ATP8B4: variants seen among roughly 807,000 people sequenced by gnomAD.
The protein encoded by ATP8B4 is ATPase phospholipid transporting 8B4 (putative).
Under a neutral mutation model 145.6 loss-of-function variants are expected in ATP8B4, and 133 were observed. The observed-to-expected ratio is 0.91, with a 90% CI of 0.79 to 1.05. The LOEUF (loss-of-function observed/expected upper bound fraction) is 1.05, where lower values mean the gene tolerates loss of function less well. Among genes scored for constraint, ATP8B4 ranks in the 50% least tolerant of loss-of-function variants. The pLI, the probability that ATP8B4 is intolerant of heterozygous loss-of-function variation, is 0.00. For synonymous variants in ATP8B4, 507 were observed against 492.9 expected (o/e 1.03, Z -0.38); for missense variants, 1,458 against 1,425.2 (o/e 1.02, Z -0.37).
At chr15:50,015,941 A>T (rs1463186906) in intron 6 of ATP8B4, among the ~76,000 whole-genome samples, 1 of 152,200 alleles carries the variant, frequency 6.6e-6, no homozygotes, top group Non-Finnish European at 1.5e-5. Context: ...CAATTTTGCC[A>T]GGGAGGAGGG....
intron 10 of ATP8B4, 67 bp downstream of exon 10, chr15:49,987,324 A>T (rs1415343151): frequency 3.2e-6 from 5 of 1,539,392 alleles, no homozygotes; most frequent in Non-Finnish European, 4.4e-6. Context: ...ACAGAGAATC[A>T]TAGACTGTGC....
intron 3 of ATP8B4, among the ~76,000 whole-genome samples, chr15:50,053,302 G>C (rs1193757598): frequency 6.6e-6 from 1 of 152,172 alleles, no homozygotes; most frequent in Non-Finnish European, 1.5e-5. Context: ...GTGATTGTAA[G>C]AGCCAGGATT....
intron 23 of ATP8B4, 140 bp from the exon 24 acceptor site, chr15:49,879,599 C>G: frequency 2.9e-6 from 2 of 689,418 alleles, no homozygotes; most frequent in Non-Finnish European, 2.4e-6. Context: ...CTTTCCTAGA[C>G]CTGCCTCTTA....
At chr15:50,145,147 C>G (rs1007455556) in intron 1 of ATP8B4, among the ~76,000 whole-genome samples, 2 of 152,118 alleles carry the variant, frequency 1.3e-5, no homozygotes, top group Non-Finnish European at 2.9e-5. Context: ...TTGGCTTTGA[C>G]TACTTTTTAC....
At chr15:50,052,063 T>A (rs1449818754) in intron 3 of ATP8B4, among the ~76,000 whole-genome samples, 1 of 152,176 alleles carries the variant, frequency 6.6e-6, no homozygotes, top group East Asian at 1.9e-4. Context: ...TTTTCTTTGT[T>A]TTTCAACCAA....
intron 23 of ATP8B4, among the ~76,000 whole-genome samples, chr15:49,894,464 C>T (rs572894654): frequency 5.5e-4 from 84 of 152,200 alleles, no homozygotes; most frequent in African/African-American, 1.9e-3. Flanking sequence ...AAAAGGTATC[C>T]TGCCCTATTT....
chr15:50,139,147 T>C (rs902872973), intron 1 of ATP8B4, among the ~76,000 whole-genome samples: 2 of 152,344 alleles, frequency 1.3e-5, no homozygotes, highest in African/African-American at 4.8e-5. Context: ...CGTATGTTTA[T>C]TGCAGCACTA....
intron 23 of ATP8B4, among the ~76,000 whole-genome samples, chr15:49,891,204 T>A (rs1282604023): frequency 6.6e-6 from 1 of 151,986 alleles, no homozygotes; most frequent in African/African-American, 2.4e-5. Context: ...AAAATATTCA[T>A]ACACTTGCTT....
chr15:50,145,501 A>C (rs748901099), intron 1 of ATP8B4, among the ~76,000 whole-genome samples: 59 of 152,166 alleles, frequency 3.9e-4, no homozygotes, highest in Middle Eastern at 6.8e-3. Context: ...TCCTAAACAC[A>C]CTCCACAGCT....
intron 1 of ATP8B4, among the ~76,000 whole-genome samples, chr15:50,110,374 T>C (rs1249065392): frequency 7.9e-5 from 12 of 152,176 alleles, no homozygotes; most frequent in Admixed American, 7.2e-4. Flanking sequence ...GAAGCAACAT[T>C]TAGTCCTGTC....
chr15:49,955,789 T>C (rs2153500650), intron 14 of ATP8B4, among the ~76,000 whole-genome samples: 1 of 152,346 alleles, frequency 6.6e-6, no homozygotes, highest in South Asian at 2.1e-4. Context: ...TACAGAATTA[T>C]TCCACTTTTA....
At position 49,979,683 on chromosome 15, in the gene ATP8B4, C is replaced by T; in HGVS notation, c.968G>A (p.Gly323Glu). 1 of 1,606,734 alleles carries T rather than the reference C, an allele frequency of 6.2e-7. No individual in the cohort carries two copies. Reference sequence around the variant, plus strand: ...AATATATGACCAGAATGTTAAGAATCCGGAGAACACAGAGCTCTTCTCTCC... The same window carrying T: ...AATATATGACCAGAATGTTAAGAATTCGGAGAACACAGAGCTCTTCTCTCC... ...NEGEKSSVFS[G>E]FLTFWSYIII... is the part of the protein sequence containing the mutation. Residue 323 changes from glycine to glutamate, a missense_variant, in exon 12 of 28, where the codon GGA becomes GAA. Transcript: ENST00000284509.
intron 1 of ATP8B4, among the ~76,000 whole-genome samples, chr15:50,148,247 G>C (rs2044304015): frequency 1.3e-5 from 2 of 151,978 alleles, no homozygotes; most frequent in African/African-American, 4.8e-5. Flanking sequence ...TAAAGACCAA[G>C]GAAAAGCTGG....
At chr15:50,020,269 T>TG (rs1284234770) in intron 6 of ATP8B4, among the ~76,000 whole-genome samples, 5,593 of 146,576 alleles carry the variant, frequency 0.038, 375 homozygotes, top group African/African-American at 0.13. Flanking sequence ...ATGAGTTTTT[T>TG]GTTTTTTTTT....
chr15:49,951,510 G>C (rs2043100022), intron 14 of ATP8B4, among the ~76,000 whole-genome samples: 3 of 152,052 alleles, frequency 2.0e-5, no homozygotes. Context: ...CAGAGACTAG[G>C]ATTGCAAACC....
At chr15:50,181,737 T>C (rs1445049415) in intron 1 of ATP8B4, among the ~76,000 whole-genome samples, 1 of 151,980 alleles carries the variant, frequency 6.6e-6, no homozygotes, top group African/African-American at 2.4e-5. Flanking sequence ...GGGAAGCAAA[T>C]CTGAGAAACA....
At chr15:50,160,015 CTTTTTT>C (rs35773416) in intron 1 of ATP8B4, among the ~76,000 whole-genome samples, 10 of 20,082 alleles carry the variant, frequency 5.0e-4, no homozygotes, top group African/African-American at 6.3e-4. Context: ...CAGGTCCTGG[CTTTTTT>C]TTTTTTTTTT....
chr15:50,015,701 G>A (rs1201032103), intron 6 of ATP8B4, among the ~76,000 whole-genome samples: 1 of 152,216 alleles, frequency 6.6e-6, no homozygotes, highest in Non-Finnish European at 1.5e-5. Flanking sequence ...AGTACCATCA[G>A]AGCTGCGCTA....
chr15:50,081,891 TG>T (rs770743872), intron 2 of ATP8B4, among the ~76,000 whole-genome samples: 57 of 152,354 alleles, frequency 3.7e-4, no homozygotes, highest in Admixed American at 1.1e-3. Flanking sequence ...CATGAAATGA[TG>T]AAGCACCATG....
Sources: gnomAD v4.1 joint callset for allele counts (sites outside exome capture counted in the v4.1 genomes callset) on GRCh38, gnomAD v4.1.1 for gene constraint, MANE v1.5 for transcripts, NCBI Gene and HGNC (gene_info 2026-07-23, HGNC 2026-07-21) for gene names.